KCTD5: variants seen among roughly 807,000 people sequenced by gnomAD.
The protein encoded by KCTD5 is BTB/POZ domain-containing protein KCTD5.
A neutral mutation model predicts 27.9 loss-of-function variants in KCTD5; 12 were observed. The ratio of observed to expected loss-of-function variants is 0.43; its 90% CI spans 0.28 to 0.70. The LOEUF (loss-of-function observed/expected upper bound fraction) is 0.70, where lower values mean the gene tolerates loss of function less well. KCTD5 is among the 30% of genes least tolerant of loss of function. The pLI is 0.19. For missense variants in KCTD5, 226 were observed against 274.8 expected (o/e 0.82, Z 1.26); for synonymous variants, 147 against 121.4 (o/e 1.21, Z -1.39).
intron 1 of KCTD5, among the ~76,000 whole-genome samples, chr16:2,687,087 C>A (rs1165391134): frequency 6.6e-6 from 1 of 152,198 alleles, no homozygotes; most frequent in Non-Finnish European, 1.5e-5. Context: ...CTGGGGGCTC[C>A]CCGCTCCTTC....
rs774471179 is a variant in KCTD5, at chr16:2,708,074, C to T, written c.*747C>T. The T allele has an allele frequency of 6.5e-6, 1 of 152,852 alleles. No individual in the cohort carries two copies. Among genetic ancestry groups the T allele is most frequent in the South Asian group, 2.1e-4 (1 of 4,848 alleles). The allele number at this position is 152,852 out of a possible 1,614,324, so 9.5% of individuals were successfully genotyped here. On this transcript the variant is annotated 3_prime_UTR_variant, in exon 6 of 6. Coordinates refer to ENST00000301738, the MANE Select transcript of KCTD5 (RefSeq NM_018992.4). The stretch of plus-strand genomic sequence containing the variant: ...CCGCGTGGAGACTGATCTGTTCCAT[C>T]CGTTAGCGCGAGGTAGCAGTGTCGC...
At chr16:2,693,804 C>T (rs1197767883) in intron 1 of KCTD5, among the ~76,000 whole-genome samples, 5 of 151,712 alleles carry the variant, frequency 3.3e-5, no homozygotes, top group African/African-American at 7.3e-5. Context: ...GCACTCATGG[C>T]GGCCCCGAGC....
chr16:2,697,873 C>A, intron 2 of KCTD5, 33 bp from the exon 3 acceptor site: 1 of 1,476,660 alleles, frequency 6.8e-7, no homozygotes, highest in South Asian at 1.1e-5. Flanking sequence ...TTAGTTTGGT[C>A]TGGTAAAGAC....
intron 1 of KCTD5, among the ~76,000 whole-genome samples, chr16:2,694,029 C>T (rs1177357354): frequency 5.7e-5 from 8 of 140,648 alleles, no homozygotes; most frequent in Non-Finnish European, 9.3e-5. Flanking sequence ...AGCAGTGAGC[C>T]GTGAATAATT....
At chr16:2,691,263 C>G (rs1041391806) in intron 1 of KCTD5, among the ~76,000 whole-genome samples, 1 of 152,252 alleles carries the variant, frequency 6.6e-6, no homozygotes, top group African/African-American at 2.4e-5. Context: ...CCTCCCCGCC[C>G]TGGTGCGGAT....
intron 5 of KCTD5, among the ~76,000 whole-genome samples, chr16:2,705,075 G>A (rs1179437023): frequency 6.6e-6 from 1 of 152,174 alleles, no homozygotes; most frequent in Non-Finnish European, 1.5e-5. Context: ...CGGGGCACCC[G>A]CCCACCCGCA....
rs902825841 is a variant in KCTD5 at position 2,707,776 on chromosome 16, C to T, written c.*449C>T. The stretch of plus-strand genomic sequence containing the variant: ...TGGTCCGACCACCAGGCCCTAGTCT[C>T]GGTCAGGGAGTCTGCTCTGCCTCCC... On this transcript the variant is annotated 3_prime_UTR_variant, in exon 6 of 6. Transcript: ENST00000301738. 3 of 315,206 alleles carry T rather than the reference C, an allele frequency of 9.5e-6. No homozygotes were observed. The highest frequency in any genetic ancestry group is 4.7e-5 in the Admixed American group (1 of 21,080). 19.5% of individuals were successfully genotyped at this position (315,206 alleles called of 1,614,324 possible).
At chr16:2,703,725 G>T (rs998512812) in intron 5 of KCTD5, among the ~76,000 whole-genome samples, 1 of 152,234 alleles carries the variant, frequency 6.6e-6, no homozygotes, top group Non-Finnish European at 1.5e-5. Context: ...TGCTCTTGCT[G>T]TGGGCAGAGG....
At chr16:2,692,931 G>T (rs1395177823) in intron 1 of KCTD5, among the ~76,000 whole-genome samples, 1 of 152,282 alleles carries the variant, frequency 6.6e-6, no homozygotes, top group African/African-American at 2.4e-5. Context: ...TGTGGTTTGG[G>T]CAGCTGCAGT....
chr16:2,690,486 G>T (rs2067561527), intron 1 of KCTD5, among the ~76,000 whole-genome samples: 1 of 152,224 alleles, frequency 6.6e-6, no homozygotes, highest in South Asian at 2.1e-4. Flanking sequence ...GAAGATGAGG[G>T]AAATGACTTG....
At chr16:2,685,278 A>C (rs528953410) in intron 1 of KCTD5, among the ~76,000 whole-genome samples, 5 of 151,572 alleles carry the variant, frequency 3.3e-5, no homozygotes, top group African/African-American at 9.7e-5. Context: ...ATACAAAAAA[A>C]TTAGCTGGGC....
intron 1 of KCTD5, among the ~76,000 whole-genome samples, chr16:2,692,183 G>A (rs2067569605): frequency 6.6e-6 from 1 of 152,174 alleles, no homozygotes; most frequent in Admixed American, 6.5e-5. Context: ...GTCTGGATGT[G>A]CCCAGCCCTG....
intron 3 of KCTD5, among the ~76,000 whole-genome samples, chr16:2,698,321 GGC>G (rs2067595659): frequency 6.6e-6 from 1 of 152,236 alleles, no homozygotes; most frequent in Non-Finnish European, 1.5e-5. Context: ...TGAGGTGGAT[GGC>G]ATCTGGTAGG....
intron 2 of KCTD5, chr16:2,697,098 C>G (rs3112725): frequency 0.48 from 72,856 of 152,306 alleles, 18,045 homozygotes; most frequent in Middle Eastern, 0.53. Flanking sequence ...TGTGCGGGAC[C>G]CATGCGGGGC....
At chr16:2,692,277 G>A (rs760131405) in intron 1 of KCTD5, among the ~76,000 whole-genome samples, 5 of 152,170 alleles carry the variant, frequency 3.3e-5, no homozygotes, top group African/African-American at 9.7e-5. Context: ...CCTGTTCTGC[G>A]TCCAGGAAGA....
intron 5 of KCTD5, among the ~76,000 whole-genome samples, chr16:2,706,562 AG>A (rs1484084560): frequency 6.6e-6 from 1 of 151,450 alleles, no homozygotes; most frequent in African/African-American, 2.4e-5. Context: ...GCCTGTCCTC[AG>A]GGGAGCCCAG....
Position 2,682,627 on chromosome 16 carries a change from C to T in KCTD5, c.79C>T (p.Arg27Cys), listed in dbSNP as rs746283358. The change falls in exon 1 of 6, where the codon CGC becomes TGC. Residue 27 changes from arginine (R) to cysteine (C), a missense_variant. Around this residue, in one of 2 missense-constraint regions of KCTD5, gnomAD observed 91 missense variants for 67.8 expected, o/e 1.34. Transcript: ENST00000301738. ...GGGGCTGGGGGGCGGCCTGTGCCGC[C>T]GCTGCAGCGCTGGGCTCGGCGCCCT... is the stretch of plus-strand genomic sequence containing the variant. The part of the protein sequence containing the change: ...GAGLGGGLCR[R>C]CSAGLGALAQ... 55 of 1,562,458 alleles carry T rather than the reference C, an allele frequency of 3.5e-5. No homozygotes were observed. The highest frequency in any genetic ancestry group is 4.2e-5 in the Non-Finnish European group (49 of 1,158,792).
chr16:2,687,431 A>G (rs2067544621), intron 1 of KCTD5, among the ~76,000 whole-genome samples: 1 of 152,210 alleles, frequency 6.6e-6, no homozygotes, highest in Non-Finnish European at 1.5e-5. Flanking sequence ...CCCTGCAGAT[A>G]CAGCCTTCAG....
intron 1 of KCTD5, 115 bp downstream of exon 1, chr16:2,682,915 C>A: frequency 7.8e-7 from 1 of 1,279,600 alleles, no homozygotes; most frequent in Non-Finnish European, 1.0e-6. Flanking sequence ...TCTCCTCGGG[C>A]TTCGAGCCCC....
Sources: gnomAD v4.1 joint callset for allele counts (sites outside exome capture counted in the v4.1 genomes callset) on GRCh38, gnomAD v4.1.1 for gene constraint, gnomAD v4.1.1 regional missense constraint, MANE v1.5 for transcripts, NCBI Gene and HGNC (gene_info 2026-07-23, HGNC 2026-07-21) for gene names.